Variants in GPC6 observed in about 807,000 individuals in gnomAD.
The protein encoded by GPC6 is glypican 6.
Under a neutral mutation model 55.2 loss-of-function variants are expected in GPC6, and 14 were observed. The observed-to-expected ratio is 0.25, with a 90% CI of 0.17 to 0.40. The LOEUF is 0.40. Among genes scored for constraint, GPC6 ranks in the 10% least tolerant of loss-of-function variants. The probability of loss-of-function intolerance (pLI) is 1.00; values close to 1 mark genes in which losing one functional copy is unlikely to be tolerated. For missense variants in GPC6, 641 were observed against 708.5 expected, an observed-to-expected ratio of 0.90 and a Z score of 1.08; for synonymous variants, 278 against 259.6, an observed-to-expected ratio of 1.07 and a Z score of -0.68.
At chr13:94,388,394 A>T (rs966446334) in intron 7 of GPC6, among the ~76,000 whole-genome samples, 2 of 152,216 alleles carry the variant, frequency 1.3e-5, no homozygotes, top group African/African-American at 4.8e-5. Context: ...GGTTATGGAC[A>T]AGGTTGAAGT....
chr13:94,282,579 G>T (rs1408726269), intron 4 of GPC6, among the ~76,000 whole-genome samples: 1 of 152,162 alleles, frequency 6.6e-6, no homozygotes, highest in Non-Finnish European at 1.5e-5. Flanking sequence ...TCAACTAGTC[G>T]ATTCTTCTGC....
chr13:93,923,631 T>C (rs565882888), intron 3 of GPC6, among the ~76,000 whole-genome samples: 1 of 152,214 alleles, frequency 6.6e-6, no homozygotes, highest in Non-Finnish European at 1.5e-5. Flanking sequence ...TCTTTTTGTA[T>C]AACTTACCCA....
intron 3 of GPC6, among the ~76,000 whole-genome samples, chr13:93,833,110 AGAG>A (rs1566559327): frequency 9.3e-4 from 16 of 17,216 alleles, no homozygotes; most frequent in African/African-American, 4.0e-3. Context: ...TAGATGATAG[AGAG>A]AGAGAGAGAG....
intron 1 of GPC6, among the ~76,000 whole-genome samples, chr13:93,318,183 A>G (rs926995465): frequency 6.6e-6 from 1 of 152,128 alleles, no homozygotes; most frequent in Non-Finnish European, 1.5e-5. Context: ...AGCTTATTCG[A>G]GACTCTTCTC....
At chr13:94,025,107 A>G (rs889946322) in intron 3 of GPC6, among the ~76,000 whole-genome samples, 2 of 152,260 alleles carry the variant, frequency 1.3e-5, no homozygotes, top group African/African-American at 4.8e-5. Flanking sequence ...TTCTAATACC[A>G]GAACACTGAG....
intron 3 of GPC6, among the ~76,000 whole-genome samples, chr13:93,925,730 T>C (rs1443476809): frequency 6.6e-6 from 1 of 152,210 alleles, no homozygotes; most frequent in Non-Finnish European, 1.5e-5. Flanking sequence ...GACTTGTCTT[T>C]ACTTCCTGAT....
At chr13:93,580,975 G>A (rs1876909927) in intron 2 of GPC6, among the ~76,000 whole-genome samples, 1 of 151,992 alleles carries the variant, frequency 6.6e-6, no homozygotes, top group Non-Finnish European at 1.5e-5. Flanking sequence ...AGGAGCAAAA[G>A]GATTTGTCAC....
At chr13:93,585,717 C>G (rs901183409) in intron 2 of GPC6, among the ~76,000 whole-genome samples, 26 of 152,094 alleles carry the variant, frequency 1.7e-4, no homozygotes, top group African/African-American at 6.0e-4. Flanking sequence ...TTTTTTATTT[C>G]TCTAAATTAG....
chr13:93,826,156 G>A (rs1887239774), intron 2 of GPC6, among the ~76,000 whole-genome samples: 1 of 151,970 alleles, frequency 6.6e-6, no homozygotes, highest in African/African-American at 2.4e-5. Flanking sequence ...CACTGCACCC[G>A]GCCGGATGTC....
intron 3 of GPC6, among the ~76,000 whole-genome samples, chr13:93,955,286 CA>C (rs1879460990): frequency 1.4e-5 from 2 of 147,092 alleles, no homozygotes; most frequent in African/African-American, 2.6e-5. Flanking sequence ...CACACACACA[CA>C]CCTGCCAAAC....
intron 3 of GPC6, among the ~76,000 whole-genome samples, chr13:93,892,582 C>A (rs1875755457): frequency 6.6e-6 from 1 of 152,050 alleles, no homozygotes; most frequent in Non-Finnish European, 1.5e-5. Context: ...AAAAAGACAC[C>A]CATAATTGCA....
At chr13:93,588,536 A>G (rs1258749262) in intron 2 of GPC6, among the ~76,000 whole-genome samples, 1 of 152,128 alleles carries the variant, frequency 6.6e-6, no homozygotes, top group Non-Finnish European at 1.5e-5. Context: ...GAAATAACTA[A>G]GGCTGGGTAA....
chr13:93,312,885 G>A (rs1185556284), intron 1 of GPC6, among the ~76,000 whole-genome samples: 1 of 152,010 alleles, frequency 6.6e-6, no homozygotes, highest in Non-Finnish European at 1.5e-5. Flanking sequence ...ATTCTATTTG[G>A]CTCTATAAAC....
intron 2 of GPC6, among the ~76,000 whole-genome samples, chr13:93,698,732 G>T: frequency 6.6e-6 from 1 of 151,534 alleles, no homozygotes; most frequent in East Asian, 1.9e-4. Flanking sequence ...ACTTACCGAT[G>T]GTTCTTGAAA....
chr13:94,029,669 G>T (rs1282922768), intron 4 of GPC6, among the ~76,000 whole-genome samples: 1 of 152,220 alleles, frequency 6.6e-6, no homozygotes, highest in African/African-American at 2.4e-5. Flanking sequence ...CAGCCTGCAA[G>T]TTATTGAAGA....
At chr13:93,288,433 T>C (rs938104565) in intron 1 of GPC6, among the ~76,000 whole-genome samples, 1 of 152,168 alleles carries the variant, frequency 6.6e-6, no homozygotes, top group African/African-American at 2.4e-5. Flanking sequence ...CATTAACATC[T>C]CCTCAAAGTC....
At chr13:93,841,114 C>A (rs1332389326) in intron 3 of GPC6, among the ~76,000 whole-genome samples, 1 of 152,102 alleles carries the variant, frequency 6.6e-6, no homozygotes, top group Non-Finnish European at 1.5e-5. Context: ...TGGAGGATTT[C>A]TATTTTATTG....
At chr13:93,529,804 C>T (rs186343153) in intron 1 of GPC6, among the ~76,000 whole-genome samples, 16 of 152,212 alleles carry the variant, frequency 1.1e-4, no homozygotes, top group Admixed American at 2.0e-4. Context: ...CATGAGCCAC[C>T]GCGCCTGGCT....
chr13:93,331,628 T>G (rs1879849653), intron 1 of GPC6, among the ~76,000 whole-genome samples: 1 of 135,166 alleles, frequency 7.4e-6, no homozygotes, highest in Non-Finnish European at 1.6e-5. Context: ...CATTGTTTTT[T>G]CATCTTTTTT....
Sources: gnomAD v4.1 joint callset for allele counts (sites outside exome capture counted in the v4.1 genomes callset) on GRCh38, gnomAD v4.1.1 for gene constraint, MANE v1.5 for transcripts, NCBI Gene and HGNC (gene_info 2026-07-23, HGNC 2026-07-21) for gene names.